Variants in RBM11 observed in about 807,000 individuals in gnomAD.
RBM11 encodes splicing regulator RBM11.
A neutral mutation model predicts 21.4 loss-of-function variants in RBM11; 18 were observed. That is an observed-to-expected ratio of 0.84 (90% confidence interval 0.58 to 1.25). The LOEUF is 1.25. Among genes scored for constraint, RBM11 ranks in the 50% most tolerant of loss-of-function variants. The pLI, the probability that RBM11 is intolerant of heterozygous loss-of-function variation, is 0.00. For missense variants in RBM11, 294 were observed against 331.9 expected (o/e 0.89, Z 0.89); for synonymous variants, 120 against 116.3 (o/e 1.03, Z -0.20).
chr21:14,225,468 A>C (rs537226036), intron 4 of RBM11, among the ~76,000 whole-genome samples: 2 of 152,182 alleles, frequency 1.3e-5, no homozygotes, highest in Non-Finnish European at 2.9e-5. Context: ...ATTGAAGTCC[A>C]GGGTTGTTAA....
rs1259236271 is a variant in RBM11, at chr21:14,227,271, C to T, written c.824C>T (p.Ser275Phe). Reference sequence around the variant, plus strand: ...GAATGTAGCCAAAAGTTCCGAAAGTCTAAGAAGAAGAAAAGATACTAGTAT... The same window carrying T: ...GAATGTAGCCAAAAGTTCCGAAAGTTTAAGAAGAAGAAAAGATACTAGTAT... ...GNECSQKFRK[S>F]KKKKRY Residue 275 changes from serine to phenylalanine, a missense_variant, in exon 5 of 5, where the codon TCT (serine) becomes TTT (phenylalanine). Ser to Phe is a radical substitution (Grantham distance 155). Transcript: ENST00000400577. 1 of 1,611,652 alleles carries T rather than the reference C, an allele frequency of 6.2e-7. No homozygotes were observed. Among genetic ancestry groups the T allele is most frequent in the East Asian group, 2.2e-5 (1 of 44,874 alleles).
intron 3 of RBM11, among the ~76,000 whole-genome samples, chr21:14,221,814 A>G (rs1978690029): frequency 6.6e-6 from 1 of 152,144 alleles, no homozygotes. Context: ...AAGAAGAAAG[A>G]TATTGGATAG....
intron 3 of RBM11, among the ~76,000 whole-genome samples, chr21:14,223,953 A>G (rs1978877762): frequency 6.6e-6 from 1 of 152,148 alleles, no homozygotes; most frequent in Non-Finnish European, 1.5e-5. Flanking sequence ...CTTCACCAGA[A>G]GCCACCTGAT....
chr21:14,218,636 A>G (rs1978402577), intron 1 of RBM11, among the ~76,000 whole-genome samples: 1 of 152,204 alleles, frequency 6.6e-6, no homozygotes, highest in Admixed American at 6.5e-5. Flanking sequence ...TATTTTAAAG[A>G]TGATCATTAA....
rs2020436146 is a variant in RBM11 at position 14,216,185 on chromosome 21, G to A, written c.-2G>A. ...ACTTCATTCTACGGCCGAGACCGGA[G>A]GATGTTCCCTGCTCAGGAGGAGGCC... is the stretch of plus-strand genomic sequence containing the variant. On this transcript the variant is annotated 5_prime_UTR_variant, in exon 1 of 5. Transcript: ENST00000400577. 4 of 1,612,694 alleles carry A rather than the reference G, an allele frequency of 2.5e-6. No homozygotes were observed. Among genetic ancestry groups the A allele is most frequent in the Admixed American group, 1.7e-5 (1 of 59,912 alleles).
At position 14,219,556 on chromosome 21, in the gene RBM11, C is replaced by G. The variant is rs1600956862; in HGVS notation, c.97-7C>G. ...TTATGAGAAAATAATTTTTAAGTTT[C>G]TTATAGGCGGGGCCACTAACCAAAG... On this transcript the variant is annotated splice_polypyrimidine_tract_variant and splice_region_variant and intron_variant, in intron 1 of 4. Transcript: ENST00000400577. 6.8e-7 allele frequency: 1 copy of G among 1,470,334 alleles called. No individual in the cohort carries two copies. Among genetic ancestry groups the G allele is most frequent in the Admixed American group, 2.4e-5 (1 of 41,290 alleles). The allele number at this position is 1,470,334 out of a possible 1,614,324, so 91.1% of individuals were successfully genotyped here. A position where few individuals can be genotyped will look rare whatever the true frequency, so the allele number is the denominator to read the frequency against.
intron 1 of RBM11, 25 bp downstream of exon 1, chr21:14,216,307 G>A (rs1232745627): frequency 3.1e-6 from 5 of 1,599,790 alleles, no homozygotes; most frequent in East Asian, 4.5e-5. Context: ...AAGGGGCGGC[G>A]GAGGGGCGGA....
chr21:14,222,273 G>A (rs914132789), intron 3 of RBM11, among the ~76,000 whole-genome samples: 1 of 151,732 alleles, frequency 6.6e-6, no homozygotes, highest in African/African-American at 2.4e-5. Context: ...TCTATTCAGA[G>A]TAGACATATA....
At chr21:14,221,029 A>G (rs2123396714) in intron 2 of RBM11, 68 bp from the exon 3 acceptor site, 4 of 1,443,982 alleles carry the variant, frequency 2.8e-6, no homozygotes, top group Non-Finnish European at 3.7e-6. Context: ...GAGTCATTTT[A>G]TGGTTTAATA....
chr21:14,226,575 G>T (rs1215962801), intron 4 of RBM11, among the ~76,000 whole-genome samples: 1 of 147,372 alleles, frequency 6.8e-6, no homozygotes, highest in Non-Finnish European at 1.5e-5. Context: ...GCCAAGATTT[G>T]CCCCACTGCA....
intron 2 of RBM11, among the ~76,000 whole-genome samples, chr21:14,220,402 C>T (rs1003088434): frequency 2.0e-5 from 3 of 152,248 alleles, no homozygotes; most frequent in Non-Finnish European, 2.9e-5. Context: ...GCAATATGTA[C>T]GCAGCCTCCT....
rs1005413340 is a variant in RBM11, at chr21:14,221,439, A to G, written c.332+270A>G. 9.6e-5 allele frequency: 25 copies of G among 259,156 alleles called. No homozygotes were observed. In the South Asian group the frequency reaches 9.9e-4, roughly 10 times the overall value. 16.1% of individuals were successfully genotyped at this position (259,156 alleles called of 1,614,324 possible). On this transcript the variant is annotated intron_variant, in intron 3 of 4. Coordinates refer to ENST00000400577, the MANE Select transcript of RBM11 (RefSeq NM_144770.5). The stretch of plus-strand genomic sequence containing the variant: ...GCTTTTCATAGCTGTTAAATCATTT[A>G]AGCATACAAGGTTTCATCATGGATC...
At chr21:14,220,219 G>C (rs1978549145) in intron 2 of RBM11, among the ~76,000 whole-genome samples, 1 of 152,172 alleles carries the variant, frequency 6.6e-6, no homozygotes, top group South Asian at 2.1e-4. Context: ...AGGCAACGTA[G>C]AGTTACCCTT....
chr21:14,219,767 T>G (rs1362247908), intron 2 of RBM11, 42 bp downstream of exon 2: 1 of 1,511,366 alleles, frequency 6.6e-7, no homozygotes, highest in East Asian at 2.3e-5. Flanking sequence ...GTTTTGTGGT[T>G]GGTACTATTC....
intron 1 of RBM11, among the ~76,000 whole-genome samples, chr21:14,218,393 A>T (rs1978386114): frequency 6.6e-6 from 1 of 152,144 alleles, no homozygotes; most frequent in African/African-American, 2.4e-5. Context: ...TTATCATTAC[A>T]CTTTTAATAC....
intron 3 of RBM11, among the ~76,000 whole-genome samples, chr21:14,223,068 C>T (rs936850274): frequency 2.0e-5 from 3 of 152,134 alleles, no homozygotes; most frequent in Admixed American, 2.0e-4. Flanking sequence ...ACTAGATGGG[C>T]ACTAGAATAT....
chr21:14,223,899 A>G (rs1978873820), intron 3 of RBM11, among the ~76,000 whole-genome samples: 1 of 152,170 alleles, frequency 6.6e-6, no homozygotes, highest in Non-Finnish European at 1.5e-5. Flanking sequence ...GACTTCTGCC[A>G]TGTTATAACA....
intron 1 of RBM11, among the ~76,000 whole-genome samples, chr21:14,218,919 G>A (rs560309443): frequency 3.3e-5 from 5 of 151,774 alleles, no homozygotes; most frequent in South Asian, 2.1e-4. Flanking sequence ...ATTTTATTCC[G>A]TTTTAGTAAC....
chr21:14,217,172 C>T (rs1013796556), intron 1 of RBM11, among the ~76,000 whole-genome samples: 2 of 152,206 alleles, frequency 1.3e-5, no homozygotes, highest in South Asian at 4.1e-4. Context: ...ATGAATTCCT[C>T]AGTGCTTCAG....
Sources: gnomAD v4.1 joint callset for allele counts (sites outside exome capture counted in the v4.1 genomes callset) on GRCh38, gnomAD v4.1.1 for gene constraint, MANE v1.5 for transcripts, NCBI Gene and HGNC (gene_info 2026-07-23, HGNC 2026-07-21) for gene names.